Variants in GRID2 observed in about 807,000 individuals in gnomAD.
GRID2 encodes the protein glutamate receptor ionotropic, delta-2.
GRID2 carries 33 observed loss-of-function variants against 114.8 expected under a neutral mutation model. The ratio of observed to expected loss-of-function variants is 0.29; its 90% confidence interval spans 0.22 to 0.38. The LOEUF is 0.38. Among genes scored for constraint, GRID2 ranks in the 10% least tolerant of loss-of-function variants. The pLI, the probability that GRID2 is intolerant of heterozygous loss-of-function variation, is 1.00. For synonymous variants in GRID2, 505 were observed against 449.9 expected, an observed-to-expected ratio of 1.12 and a Z score of -1.55; for missense variants, 1,184 against 1,257.7, an observed-to-expected ratio of 0.94 and a Z score of 0.89.
chr4:93,585,086 C>CA (rs1334852020), intron 13 of GRID2, among the ~76,000 whole-genome samples: 1 of 151,994 alleles, frequency 6.6e-6, no homozygotes, highest in Admixed American at 6.6e-5. Context: ...TTGAGCATCC[C>CA]AAAAAACTGT....
At chr4:92,408,669 G>C (rs1329721535) in intron 1 of GRID2, among the ~76,000 whole-genome samples, 1 of 150,712 alleles carries the variant, frequency 6.6e-6, no homozygotes, top group Non-Finnish European at 1.5e-5. Context: ...GTATTTTGTA[G>C]TTCTCTTTGT....
At chr4:92,839,630 T>G (rs920264145) in intron 2 of GRID2, among the ~76,000 whole-genome samples, 8 of 152,036 alleles carry the variant, frequency 5.3e-5, no homozygotes, top group African/African-American at 1.2e-4. Context: ...TTGTATAGTT[T>G]CCAAAATTCC....
At chr4:93,043,241 T>C (rs1725777436) in intron 2 of GRID2, among the ~76,000 whole-genome samples, 1 of 152,176 alleles carries the variant, frequency 6.6e-6, no homozygotes, top group Admixed American at 6.6e-5. Context: ...AACTGCAGTT[T>C]ATAAAGCCCA....
At chr4:92,742,393 C>T (rs1035754198) in intron 2 of GRID2, among the ~76,000 whole-genome samples, 4 of 152,056 alleles carry the variant, frequency 2.6e-5, no homozygotes, top group African/African-American at 9.7e-5. Flanking sequence ...CCTCTCCTGT[C>T]ATCTGCACCC....
At chr4:93,297,332 G>A (rs577892006) in intron 8 of GRID2, among the ~76,000 whole-genome samples, 51 of 152,074 alleles carry the variant, frequency 3.4e-4, no homozygotes, top group Admixed American at 5.2e-4. Context: ...TTATTCTATC[G>A]CCATTAAAGG....
At chr4:92,750,147 C>T (rs918057692) in intron 2 of GRID2, among the ~76,000 whole-genome samples, 2 of 152,178 alleles carry the variant, frequency 1.3e-5, no homozygotes, top group Non-Finnish European at 2.9e-5. Context: ...AGATATGAGC[C>T]ACCGCACCTG....
At chr4:93,140,102 C>G (rs1442927482) in intron 4 of GRID2, among the ~76,000 whole-genome samples, 1 of 151,460 alleles carries the variant, frequency 6.6e-6, no homozygotes. Flanking sequence ...AGGGTTTGAT[C>G]GTCTCTGCCA....
intron 8 of GRID2, among the ~76,000 whole-genome samples, chr4:93,365,475 G>T (rs780444499): frequency 2.6e-5 from 4 of 152,156 alleles, no homozygotes; most frequent in Non-Finnish European, 5.9e-5. Flanking sequence ...TTATGACAGA[G>T]CATTTATTCC....
chr4:92,755,065 G>C (rs1737643985), intron 2 of GRID2, among the ~76,000 whole-genome samples: 1 of 151,920 alleles, frequency 6.6e-6, no homozygotes, highest in Non-Finnish European at 1.5e-5. Flanking sequence ...ACAGGAGGCT[G>C]TGTCTAAAGA....
chr4:93,140,386 C>T (rs1394139370), intron 4 of GRID2, among the ~76,000 whole-genome samples: 1 of 152,076 alleles, frequency 6.6e-6, no homozygotes, highest in Non-Finnish European at 1.5e-5. Flanking sequence ...TCTCTTTCTC[C>T]TGACCTCCTG....
chr4:93,285,137 A>G (rs1011938221), intron 8 of GRID2, among the ~76,000 whole-genome samples: 1 of 149,480 alleles, frequency 6.7e-6, no homozygotes, highest in Non-Finnish European at 1.5e-5. Context: ...TCCAATAGGT[A>G]ATACCTAGTT....
chr4:93,316,340 G>GAA (rs879295418), intron 8 of GRID2, among the ~76,000 whole-genome samples: 1 of 123,750 alleles, frequency 8.1e-6, no homozygotes, highest in African/African-American at 3.1e-5. Context: ...AAGAAAGAAA[G>GAA]AAGGAAGGAA....
At chr4:93,005,783 G>A (rs1326962760) in intron 2 of GRID2, among the ~76,000 whole-genome samples, 1 of 152,050 alleles carries the variant, frequency 6.6e-6, no homozygotes, top group African/African-American at 2.4e-5. Flanking sequence ...AGTGAAAGAA[G>A]TCAGCCACAA....
At chr4:93,019,481 A>G (rs1399039948) in intron 2 of GRID2, among the ~76,000 whole-genome samples, 1 of 152,178 alleles carries the variant, frequency 6.6e-6, no homozygotes, top group Non-Finnish European at 1.5e-5. Context: ...CCTTGGCATT[A>G]AGACCTGGGT....
At chr4:93,450,179 C>A (rs369959182) in intron 10 of GRID2, among the ~76,000 whole-genome samples, 1 of 151,698 alleles carries the variant, frequency 6.6e-6, no homozygotes, top group African/African-American at 2.4e-5. Flanking sequence ...TTTTGAGGGA[C>A]AGAAAATCAT....
chr4:92,940,892 C>T (rs992973355), intron 2 of GRID2, among the ~76,000 whole-genome samples: 38 of 152,250 alleles, frequency 2.5e-4, no homozygotes, highest in African/African-American at 8.4e-4. Context: ...ATATGTTGAA[C>T]CAGCCTTGCA....
chr4:92,945,968 C>G (rs1751596085), intron 2 of GRID2, among the ~76,000 whole-genome samples: 1 of 152,046 alleles, frequency 6.6e-6, no homozygotes, highest in South Asian at 2.1e-4. Flanking sequence ...TTTTACATGC[C>G]TTCCAGAAAT....
chr4:92,384,674 TTA>T (rs541360261), intron 1 of GRID2, among the ~76,000 whole-genome samples: 20 of 111,584 alleles, frequency 1.8e-4, no homozygotes, highest in East Asian at 2.3e-4. Context: ...TATACATATA[TTA>T]TATATATATA....
chr4:93,061,964 C>T (rs1032250508), intron 2 of GRID2, among the ~76,000 whole-genome samples: 3 of 152,094 alleles, frequency 2.0e-5, no homozygotes, highest in Non-Finnish European at 4.4e-5. Context: ...ATAGCCTCAA[C>T]CTCAAAAACA....
Sources: gnomAD v4.1 joint callset for allele counts (sites outside exome capture counted in the v4.1 genomes callset) on GRCh38, gnomAD v4.1.1 for gene constraint, MANE v1.5 for transcripts, NCBI Gene and HGNC (gene_info 2026-07-23, HGNC 2026-07-21) for gene names.